SSR3: variants seen among roughly 807,000 people sequenced by gnomAD.
SSR3 encodes the protein translocon-associated protein subunit gamma.
Under a neutral mutation model 22.1 loss-of-function variants are expected in SSR3, and 10 were observed. That is an observed-to-expected ratio of 0.45 (90% CI 0.28 to 0.77). The LOEUF (loss-of-function observed/expected upper bound fraction) is 0.77, where lower values mean the gene tolerates loss of function less well. Among genes scored for constraint, SSR3 ranks in the 30% least tolerant of loss-of-function variants. SSR3 has a pLI of 0.13. For missense variants in SSR3, 181 were observed against 220.5 expected (o/e 0.82, Z 1.13); for synonymous variants, 104 against 82.5 (o/e 1.26, Z -1.42).
rs1013892413 is a variant in SSR3, at chr3:156,547,442, G to A, written c.359+1463C>T. ...GCTGTAACAAACATTTTGAAATTTA[G>A]GTAACTATGCATACCCTAGTTTAAG... On this transcript the variant is annotated intron_variant, in intron 3 of 4. Coordinates refer to ENST00000265044, the MANE Select transcript of SSR3 (RefSeq NM_007107.5). Among the ~76,000 whole-genome samples the A allele has an allele frequency of 3.3e-5, 5 of 152,088 alleles. No individual in the cohort carries two copies. In the East Asian group the frequency reaches 9.6e-4, roughly 29 times the overall value.
At chr3:156,548,822 T>A in intron 3 of SSR3, 83 bp downstream of exon 3, 1 of 1,546,588 alleles carries the variant, frequency 6.5e-7, no homozygotes, top group Non-Finnish European at 8.7e-7. Context: ...AATTCCAAAA[T>A]CCAAATTCTT....
At chr3:156,546,108 T>A (rs1305154924) in intron 3 of SSR3, among the ~76,000 whole-genome samples, 1 of 152,246 alleles carries the variant, frequency 6.6e-6, no homozygotes, top group Non-Finnish European at 1.5e-5. Context: ...CCAAATCTCA[T>A]CTTGAATTGT....
At chr3:156,550,234 TTC>T (rs1719902234) in intron 2 of SSR3, among the ~76,000 whole-genome samples, 1 of 152,242 alleles carries the variant, frequency 6.6e-6, no homozygotes, top group Admixed American at 6.5e-5. Context: ...GCAGAAACCT[TTC>T]TTAGCTTAAT....
At chr3:156,549,441 G>A (rs920232300) in intron 2 of SSR3, among the ~76,000 whole-genome samples, 1 of 152,148 alleles carries the variant, frequency 6.6e-6, no homozygotes, top group South Asian at 2.1e-4. Context: ...AGGCTTAAAC[G>A]AAGTGGAAAT....
chr3:156,543,168 A>C lies in SSR3; in HGVS notation c.*35T>G. On this transcript the variant is annotated 3_prime_UTR_variant, in exon 5 of 5. Transcript: ENST00000265044. Reference sequence around the variant, plus strand: ...CTTTTCCATATACCACAGGCCACCCATAGACACAAAGCCAGGGGGTGAAGC... The same window carrying C: ...CTTTTCCATATACCACAGGCCACCCCTAGACACAAAGCCAGGGGGTGAAGC... 2 of 1,604,076 alleles carry C rather than the reference A, an allele frequency of 1.2e-6. No individual in the cohort carries two copies. Among genetic ancestry groups the C allele is most frequent in the Non-Finnish European group, 1.7e-6 (2 of 1,172,234 alleles).
chr3:156,552,018 T>C (rs533813587), intron 2 of SSR3, among the ~76,000 whole-genome samples: 4 of 152,072 alleles, frequency 2.6e-5, no homozygotes, highest in South Asian at 2.1e-4. Flanking sequence ...AAACAGGCCA[T>C]GGCTGGACAC....
chr3:156,553,285 C>A (rs1051190176), intron 2 of SSR3, among the ~76,000 whole-genome samples: 5 of 152,146 alleles, frequency 3.3e-5, no homozygotes, highest in Non-Finnish European at 7.4e-5. Context: ...AAGATCATTT[C>A]TTTAACTTCC....
chr3:156,548,775 T>A, intron 3 of SSR3, 130 bp downstream of exon 3: 3 of 1,063,262 alleles, frequency 2.8e-6, no homozygotes, highest in Non-Finnish European at 4.0e-6. Flanking sequence ...CTATTTCCAT[T>A]ACTACTACTA....
At chr3:156,551,429 A>T (rs1719951201) in intron 2 of SSR3, 1 of 152,212 alleles carries the variant, frequency 6.6e-6, no homozygotes, top group Non-Finnish European at 1.5e-5. Flanking sequence ...TTCCCGATAC[A>T]CAGATGGCCA....
In SSR3 at chr3:156,540,050, A is replaced by G. The variant is rs1719375329; in HGVS notation, c.*3153T>C. On this transcript the variant is annotated 3_prime_UTR_variant, in exon 5 of 5. Transcript: ENST00000265044. ...TTAAAGTAAAATAAAAAATAAAACA[A>G]TTTGAAAAAAAAGATGGTTAATGTA... The G allele has an allele frequency of 6.6e-6, 1 of 152,224 alleles. No homozygotes were observed. The highest frequency in any genetic ancestry group is 6.5e-5 in the Admixed American group (1 of 15,292). The allele number at this position is 152,224 out of a possible 1,614,324, so 9.4% of individuals were successfully genotyped here.
At chr3:156,552,164 G>A (rs1719984485) in intron 2 of SSR3, among the ~76,000 whole-genome samples, 2 of 151,990 alleles carry the variant, frequency 1.3e-5, no homozygotes, top group African/African-American at 4.8e-5. Flanking sequence ...AGCCAGGCGT[G>A]GTAGTAGTGC....
chr3:156,543,760 C>T (rs1026148600), intron 4 of SSR3, among the ~76,000 whole-genome samples: 4 of 152,192 alleles, frequency 2.6e-5, no homozygotes, highest in Admixed American at 6.5e-5. Context: ...AGAAGGTACA[C>T]GTTGGAGGGT....
intron 3 of SSR3, among the ~76,000 whole-genome samples, chr3:156,548,549 A>G (rs781649459): frequency 2.0e-5 from 3 of 152,216 alleles, no homozygotes; most frequent in Non-Finnish European, 4.4e-5. Flanking sequence ...CAAGCTCTCA[A>G]GTTAAACTGC....
At chr3:156,546,574 C>T (rs935443619) in intron 3 of SSR3, among the ~76,000 whole-genome samples, 1 of 152,048 alleles carries the variant, frequency 6.6e-6, no homozygotes, top group African/African-American at 2.4e-5. Context: ...CTGAGTCCAC[C>T]CATATCCTGT....
At position 156,540,620 on chromosome 3, in the gene SSR3, A is replaced by AAAAAAAAC. The variant is rs1719428827; in HGVS notation, c.*2582_*2583insGTTTTTTT. 6.6e-6 allele frequency: 1 copy of AAAAAAAAC among 151,350 alleles called. No individual in the cohort carries two copies. The highest frequency in any genetic ancestry group is 2.1e-4 in the South Asian group (1 of 4,796). 9.4% of individuals were successfully genotyped at this position (151,350 alleles called of 1,614,324 possible). A position where few individuals can be genotyped will look rare whatever the true frequency, so the allele number is the denominator to read the frequency against. ...GACGCTGTCTCAAAAAAAAAAAAAAAAAAAAAAGAATATCAATCCAAGATT... is the reference window on the plus strand; with the variant it reads ...GACGCTGTCTCAAAAAAAAAAAAAAAAAAAAAACAAAAAAAGAATATCAATCCAAGATT... On this transcript the variant is annotated 3_prime_UTR_variant, in exon 5 of 5. Transcript: ENST00000265044.
At chr3:156,554,815 C>A in intron 1 of SSR3, 142 bp downstream of exon 1, 3 of 1,097,310 alleles carry the variant, frequency 2.7e-6, no homozygotes, top group Admixed American at 2.5e-5. Flanking sequence ...AGGCTCCGTG[C>A]CTCCCCGAGC....
rs181770911 is a variant in SSR3 at position 156,542,379 on chromosome 3, A to G, written c.*824T>C. ...CAGAAAAATTACTTTGGTCTTTTAC[A>G]TGTCAATATTCAGGAAAGAGGTTCT... On this transcript the variant is annotated 3_prime_UTR_variant, in exon 5 of 5. Coordinates refer to ENST00000265044, the MANE Select transcript of SSR3 (RefSeq NM_007107.5). The G allele has an allele frequency of 1.6e-3, 246 of 152,374 alleles. No homozygotes were observed. The highest frequency in any genetic ancestry group is 5.6e-3 in the African/African-American group (232 of 41,602). The allele number at this position is 152,374 out of a possible 1,614,324, so 9.4% of individuals were successfully genotyped here.
intron 3 of SSR3, among the ~76,000 whole-genome samples, chr3:156,546,333 C>T (rs1174385677): frequency 6.6e-6 from 1 of 152,222 alleles, no homozygotes; most frequent in Non-Finnish European, 1.5e-5. Flanking sequence ...TTTGAGGCAT[C>T]CCCAGTCATG....
At position 156,539,916 on chromosome 3, in the gene SSR3, T is replaced by C. The variant is rs140571377; in HGVS notation, c.*3287A>G. On this transcript the variant is annotated 3_prime_UTR_variant, in exon 5 of 5. Coordinates refer to ENST00000265044, the MANE Select transcript of SSR3 (RefSeq NM_007107.5). ...ATGCCTTTCATTGCCTCACATACAT[T>C]TGATTGGTAACTACAAAGATGTGCA... Among the ~76,000 whole-genome samples the C allele has an allele frequency of 2.2e-3, 336 of 152,278 alleles. No homozygotes were observed. The highest frequency in any genetic ancestry group is 7.5e-3 in the African/African-American group (312 of 41,536).
Sources: gnomAD v4.1 joint callset for allele counts (sites outside exome capture counted in the v4.1 genomes callset) on GRCh38, gnomAD v4.1.1 for gene constraint, MANE v1.5 for transcripts, NCBI Gene and HGNC (gene_info 2026-07-23, HGNC 2026-07-21) for gene names.